PPP2R5E: variants seen among roughly 807,000 people sequenced by gnomAD.
The protein encoded by PPP2R5E is serine/threonine-protein phosphatase 2A 56 kDa regulatory subunit epsilon isoform.
Under a neutral mutation model 65.3 loss-of-function variants are expected in PPP2R5E, and 4 were observed. The ratio of observed to expected loss-of-function variants is 0.06; its 90% CI spans 0.03 to 0.14. PPP2R5E has a LOEUF of 0.14. PPP2R5E is among the 10% of genes least tolerant of loss of function. The probability of loss-of-function intolerance (pLI) is 1.00; values close to 1 mark genes in which losing one functional copy is unlikely to be tolerated. For missense variants in PPP2R5E, 274 were observed against 556.1 expected, an observed-to-expected ratio of 0.49 and a Z score of 5.10; for synonymous variants, 183 against 187.4, an observed-to-expected ratio of 0.98 and a Z score of 0.19.
intron 8 of PPP2R5E, among the ~76,000 whole-genome samples, chr14:63,392,356 G>A (rs1566669472): frequency 6.6e-6 from 1 of 152,098 alleles, no homozygotes; most frequent in Non-Finnish European, 1.5e-5. Context: ...TACATCTCAG[G>A]GGCTTCCTTT....
intron 8 of PPP2R5E, among the ~76,000 whole-genome samples, chr14:63,392,788 T>C (rs565392187): frequency 1.3e-5 from 2 of 152,302 alleles, no homozygotes; most frequent in East Asian, 3.9e-4. Flanking sequence ...CTTAGAAAAA[T>C]GTGTCACGTT....
At chr14:63,539,028 C>T (rs1215753529) in intron 2 of PPP2R5E, among the ~76,000 whole-genome samples, 2 of 152,104 alleles carry the variant, frequency 1.3e-5, no homozygotes, top group African/African-American at 2.4e-5. Context: ...ATCTTTTCTA[C>T]TTGTACTATG....
rs535441603 is a variant in PPP2R5E at position 63,495,972 on chromosome 14, T to C, written c.158-42087A>G. Among the ~76,000 whole-genome samples the C allele has an allele frequency of 1.8e-4, 28 of 152,250 alleles. No homozygotes were observed. The East Asian group carries it at 4.2e-3, about 23-fold the overall frequency. ...TTCATAAGCGCTGGGATTACAGGCG[T>C]GAGCCACCATGCCCAGCCAAGCATA... On this transcript the variant is annotated intron_variant, in intron 2 of 13. Coordinates refer to ENST00000337537, the MANE Select transcript of PPP2R5E (RefSeq NM_006246.5).
At chr14:63,452,301 GA>G (rs1243796994) in intron 3 of PPP2R5E, 1 of 152,228 alleles carries the variant, frequency 6.6e-6, no homozygotes, top group East Asian at 1.9e-4. Context: ...ATCACATTAA[GA>G]GGTTTAGATA....
rs115805822 is a variant in PPP2R5E, at chr14:63,432,267, A to G, written c.355-10173T>C. On this transcript the variant is annotated intron_variant, in intron 3 of 13. Transcript: ENST00000337537. ...AGACCAAAAAACAAACACTGTTTTC[A>G]TTGTTATTGCTGCTTACTGCTGTTA... Among the ~76,000 whole-genome samples, 1,367 of 152,310 alleles carry G rather than the reference A, an allele frequency of 9.0e-3. 23 individuals are homozygous for G. Among genetic ancestry groups the G allele is most frequent in the African/African-American group, 0.032 (1,322 of 41,570 alleles).
intron 3 of PPP2R5E, among the ~76,000 whole-genome samples, chr14:63,443,164 T>C (rs375947905): frequency 8.6e-5 from 13 of 150,442 alleles, no homozygotes; most frequent in African/African-American, 2.9e-4. Context: ...AATTTGAGAG[T>C]AGGAAAAAAC....
chr14:63,509,677 G>A (rs561002616), intron 2 of PPP2R5E, among the ~76,000 whole-genome samples: 1 of 152,076 alleles, frequency 6.6e-6, no homozygotes, highest in Non-Finnish European at 1.5e-5. Context: ...TTAGAGGTTT[G>A]ACTATATGTT....
At chr14:63,464,852 G>A (rs750818660) in intron 2 of PPP2R5E, among the ~76,000 whole-genome samples, 10 of 152,068 alleles carry the variant, frequency 6.6e-5, no homozygotes, top group Middle Eastern at 3.4e-3. Flanking sequence ...GTGAAACCCC[G>A]TCTTTACTAA....
At chr14:63,390,570 T>A (rs1054074588) in intron 10 of PPP2R5E, among the ~76,000 whole-genome samples, 4 of 152,234 alleles carry the variant, frequency 2.6e-5, no homozygotes, top group African/African-American at 9.6e-5. Flanking sequence ...TGCCTTCATA[T>A]TTTGAGATGT....
At chr14:63,521,646 G>C (rs1346117235) in intron 2 of PPP2R5E, among the ~76,000 whole-genome samples, 1 of 152,188 alleles carries the variant, frequency 6.6e-6, no homozygotes, top group African/African-American at 2.4e-5. Context: ...CTGGTGAATA[G>C]AGCAAGACTC....
intron 3 of PPP2R5E, among the ~76,000 whole-genome samples, chr14:63,447,476 C>A (rs1351707998): frequency 6.6e-6 from 1 of 152,232 alleles, no homozygotes. Context: ...CTCTCTCAGC[C>A]TTTATACAAC....
At chr14:63,496,887 T>TA (rs35739225) in intron 2 of PPP2R5E, among the ~76,000 whole-genome samples, 21,873 of 144,190 alleles carry the variant, frequency 0.15, 1,865 homozygotes, top group African/African-American at 0.23. Context: ...GTACACAGTT[T>TA]AAAAAAAAAA....
intron 8 of PPP2R5E, among the ~76,000 whole-genome samples, chr14:63,392,996 G>C (rs1885109936): frequency 6.6e-6 from 1 of 152,066 alleles, no homozygotes; most frequent in Non-Finnish European, 1.5e-5. Context: ...AGTGATGAAG[G>C]CTTAAAGGAA....
chr14:63,523,761 T>C (rs1171928046), intron 2 of PPP2R5E, among the ~76,000 whole-genome samples: 4 of 147,362 alleles, frequency 2.7e-5, no homozygotes, highest in Admixed American at 2.0e-4. Context: ...AAAAAAAAAT[T>C]AATTTGATGA....
rs1323754939 is a variant in PPP2R5E, at chr14:63,373,816, A to G, written c.*2193T>C. 6.6e-6 allele frequency: 1 copy of G among 152,200 alleles called. No homozygotes were observed. Among genetic ancestry groups the G allele is most frequent in the African/African-American group, 2.4e-5 (1 of 41,458 alleles). The allele number at this position is 152,200 out of a possible 1,614,324, so 9.4% of individuals were successfully genotyped here. On this transcript the variant is annotated 3_prime_UTR_variant, in exon 14 of 14. Transcript: ENST00000337537. ...TAAAAAGATGAATTAATGGCAAACA[A>G]AAGTTTACACTATATAAACTAAATA...
intron 3 of PPP2R5E, among the ~76,000 whole-genome samples, chr14:63,430,389 A>ACATACATACATACATACATGCATG (rs1887596047): frequency 2.8e-5 from 4 of 142,492 alleles, no homozygotes; most frequent in African/African-American, 1.2e-4. Context: ...ATACATACAT[A>ACATACATACATACATACATGCATG]CATACATACA....
At chr14:63,431,424 C>T (rs1374076055) in intron 3 of PPP2R5E, among the ~76,000 whole-genome samples, 2 of 152,146 alleles carry the variant, frequency 1.3e-5, no homozygotes, top group Non-Finnish European at 2.9e-5. Context: ...GTAATGTCAT[C>T]AATAATTATA....
At chr14:63,525,416 C>G (rs1893149679) in intron 2 of PPP2R5E, among the ~76,000 whole-genome samples, 1 of 152,156 alleles carries the variant, frequency 6.6e-6, no homozygotes, top group Non-Finnish European at 1.5e-5. Flanking sequence ...TTTTAAAATT[C>G]TATTTGGTAT....
intron 3 of PPP2R5E, among the ~76,000 whole-genome samples, chr14:63,449,389 A>G (rs1217160938): frequency 7.2e-5 from 11 of 152,230 alleles, no homozygotes; most frequent in Non-Finnish European, 1.3e-4. Context: ...AAATGTAAAA[A>G]TAGTATTTAC....
Sources: allele counts gnomAD v4.1 joint callset (sites outside exome capture counted in the v4.1 genomes callset), GRCh38; gene constraint gnomAD v4.1.1; transcripts MANE v1.5; gene names NCBI Gene and HGNC (gene_info 2026-07-23, HGNC 2026-07-21).